Variants in CNTN6 observed in about 807,000 individuals in gnomAD.
The protein encoded by CNTN6 is contactin 6, also known as contactin-6.
A neutral mutation model predicts 122.8 loss-of-function variants in CNTN6; 137 were observed. The observed-to-expected ratio is 1.12, with a 90% CI of 0.97 to 1.29. The LOEUF is 1.29. CNTN6 is among the 50% of genes most tolerant of loss of function. The probability of loss-of-function intolerance (pLI) is 0.00; values close to 1 mark genes in which losing one functional copy is unlikely to be tolerated. For synonymous variants in CNTN6, 570 were observed against 426.0 expected (o/e 1.34, Z -4.16); for missense variants, 1,634 against 1,223.4 (o/e 1.34, Z -5.01).
At chr3:1,190,524 A>G (rs1359651460) in intron 2 of CNTN6, among the ~76,000 whole-genome samples, 1 of 152,176 alleles carries the variant, frequency 6.6e-6, no homozygotes, top group African/African-American at 2.4e-5. Context: ...GAGTTGTTTG[A>G]CAGGTTATGA....
chr3:1,228,639 G>C (rs562147860), intron 4 of CNTN6, among the ~76,000 whole-genome samples: 1 of 152,294 alleles, frequency 6.6e-6, no homozygotes, highest in East Asian at 1.9e-4. Flanking sequence ...AGCCTTGCTT[G>C]AGAGTAATTA....
At chr3:1,383,547 G>A (rs775243837) in intron 19 of CNTN6, 139 bp downstream of exon 19, 5 of 660,772 alleles carry the variant, frequency 7.6e-6, no homozygotes, top group Non-Finnish European at 1.3e-5. Context: ...GAATGAAGTT[G>A]AGACAGGGTA....
Position 1,327,482 on chromosome 3 carries a change from C to T in CNTN6, c.1109C>T (p.Thr370Ile), listed in dbSNP as rs372135467. The part of the protein sequence containing the change: ...PEERIQIENG[T>I]LIITMLNVSD... ...GAGAGAATTCAAATAGAAAATGGGA[C>T]ACTCATCATAACGATGCTGAATGTG... The change falls in exon 10 of 23, where the codon ACA (threonine) becomes ATA (isoleucine). Residue 370 changes from threonine to isoleucine, a missense_variant. By Grantham distance (89) the Thr-to-Ile change is moderately conservative. Coordinates refer to ENST00000446702, the MANE Select transcript of CNTN6 (RefSeq NM_001289080.2). 51 of 1,610,464 alleles carry T rather than the reference C, an allele frequency of 3.2e-5. No individual in the cohort carries two copies. In the East Asian group the frequency reaches 5.1e-4, roughly 16 times the overall value.
chr3:1,123,915 A>G (rs1296996820), intron 1 of CNTN6, among the ~76,000 whole-genome samples: 2 of 151,762 alleles, frequency 1.3e-5, no homozygotes. Flanking sequence ...GTGTTAAATG[A>G]TTTTCTGTGC....
chr3:1,177,257 G>A (rs2093468584), intron 2 of CNTN6, among the ~76,000 whole-genome samples: 1 of 152,134 alleles, frequency 6.6e-6, no homozygotes, highest in Admixed American at 6.6e-5. Context: ...ATTTTGGGGG[G>A]TTTGTTGAAT....
intron 5 of CNTN6, among the ~76,000 whole-genome samples, chr3:1,282,975 A>C (rs1027120393): frequency 1.3e-5 from 2 of 152,082 alleles, no homozygotes; most frequent in Admixed American, 6.6e-5. Context: ...GAGACAACAC[A>C]AAACTCTTTT....
chr3:1,162,539 C>T (rs1028393775), intron 2 of CNTN6, among the ~76,000 whole-genome samples: 3 of 152,204 alleles, frequency 2.0e-5, no homozygotes, highest in African/African-American at 7.2e-5. Context: ...ACTTTGTCCT[C>T]TTTCTGTAAC....
At chr3:1,202,317 G>A (rs1016906524) in intron 2 of CNTN6, among the ~76,000 whole-genome samples, 1 of 152,112 alleles carries the variant, frequency 6.6e-6, no homozygotes, top group Non-Finnish European at 1.5e-5. Flanking sequence ...GAGGCGGGCG[G>A]ATCACGAGCT....
At chr3:1,144,344 G>A (rs977255227) in intron 1 of CNTN6, among the ~76,000 whole-genome samples, 15 of 152,098 alleles carry the variant, frequency 9.9e-5, no homozygotes, top group African/African-American at 3.4e-4. Context: ...GGGAGGCCAA[G>A]ATGGACGGAT....
chr3:1,144,890 T>A (rs78130183), intron 1 of CNTN6, among the ~76,000 whole-genome samples: 2,167 of 152,186 alleles, frequency 0.014, 54 homozygotes, highest in African/African-American at 0.048. Flanking sequence ...AAGCGGGGAC[T>A]GTTGGAGGTA....
At chr3:1,374,968 C>A (rs1381948825) in intron 16 of CNTN6, among the ~76,000 whole-genome samples, 2 of 152,004 alleles carry the variant, frequency 1.3e-5, no homozygotes, top group African/African-American at 4.8e-5. Flanking sequence ...CTTTGTTTTA[C>A]AGAAGAGGAA....
chr3:1,325,584 A>G (rs966289859), intron 8 of CNTN6, among the ~76,000 whole-genome samples: 2 of 151,800 alleles, frequency 1.3e-5, no homozygotes, highest in African/African-American at 4.8e-5. Context: ...GTGGAGCAAA[A>G]TGACAGATGA....
At chr3:1,368,300 T>A in intron 12 of CNTN6, among the ~76,000 whole-genome samples, 1 of 152,206 alleles carries the variant, frequency 6.6e-6, no homozygotes, top group East Asian at 1.9e-4. Context: ...TAAGATTCCA[T>A]TGCATACATT....
chr3:1,141,839 AC>A (rs2092615131), intron 1 of CNTN6, among the ~76,000 whole-genome samples: 1 of 152,164 alleles, frequency 6.6e-6, no homozygotes, highest in Non-Finnish European at 1.5e-5. Flanking sequence ...GTTGGGAAGT[AC>A]CAACCCTTCA....
At chr3:1,402,570 A>C in intron 22 of CNTN6, 84 bp downstream of exon 22, 2 of 1,118,142 alleles carry the variant, frequency 1.8e-6, no homozygotes, top group Non-Finnish European at 2.5e-6. Flanking sequence ...CCTTCCAGTT[A>C]TGGCTTAAAT....
At chr3:1,135,634 A>T (rs2092452722) in intron 1 of CNTN6, among the ~76,000 whole-genome samples, 1 of 152,218 alleles carries the variant, frequency 6.6e-6, no homozygotes, top group Non-Finnish European at 1.5e-5. Flanking sequence ...CTACATATAT[A>T]TATTAGTTTC....
chr3:1,368,550 T>A (rs540730889), intron 12 of CNTN6, among the ~76,000 whole-genome samples: 23 of 152,296 alleles, frequency 1.5e-4, no homozygotes, highest in Admixed American at 1.4e-3. Flanking sequence ...AAAAAGTATT[T>A]GTGATCTTGC....
chr3:1,130,603 C>T (rs1307910409), intron 1 of CNTN6, among the ~76,000 whole-genome samples: 1 of 152,150 alleles, frequency 6.6e-6, no homozygotes, highest in Non-Finnish European at 1.5e-5. Flanking sequence ...TGATAACAAA[C>T]CTTCACTGGC....
intron 1 of CNTN6, among the ~76,000 whole-genome samples, chr3:1,128,925 A>T (rs1434032355): frequency 6.6e-6 from 1 of 151,958 alleles, no homozygotes; most frequent in African/African-American, 2.4e-5. Context: ...TAACTTTTTT[A>T]TTTCTTATCT....
Sources: allele counts gnomAD v4.1 joint callset (sites outside exome capture counted in the v4.1 genomes callset), GRCh38; gene constraint gnomAD v4.1.1; transcripts MANE v1.5; gene names NCBI Gene and HGNC (gene_info 2026-07-23, HGNC 2026-07-21).